Variants in ATP8B4 observed in about 807,000 individuals in gnomAD.
ATP8B4 encodes the protein ATPase phospholipid transporting 8B4 (putative).
Under a neutral mutation model 145.6 loss-of-function variants are expected in ATP8B4, and 133 were observed. The observed-to-expected ratio is 0.91, with a 90% CI of 0.79 to 1.05. The LOEUF (loss-of-function observed/expected upper bound fraction) is 1.05. Ranked by LOEUF, ATP8B4 falls within the 50% of genes least tolerant of loss-of-function variation. The pLI is 0.00. For synonymous variants in ATP8B4, 507 were observed against 492.9 expected (o/e 1.03, Z -0.38); for missense variants, 1,458 against 1,425.2 (o/e 1.02, Z -0.37).
intron 2 of ATP8B4, among the ~76,000 whole-genome samples, chr15:50,077,855 C>G (rs950681895): frequency 2.0e-5 from 3 of 152,118 alleles, no homozygotes; most frequent in African/African-American, 7.2e-5. Context: ...CTAGTAAAGC[C>G]TGCCTGACTG....
intron 1 of ATP8B4, among the ~76,000 whole-genome samples, chr15:50,127,663 T>A (rs1201582460): frequency 3.3e-5 from 5 of 152,190 alleles, no homozygotes; most frequent in Non-Finnish European, 5.9e-5. Flanking sequence ...CTGCAGCTTG[T>A]GCTATAATAC....
At position 50,142,353 on chromosome 15, in the gene ATP8B4, A is replaced by C. The variant is rs2044223703; in HGVS notation, c.-42-35345T>G. Among the ~76,000 whole-genome samples, 7 of 152,190 alleles carry C rather than the reference A, an allele frequency of 4.6e-5. No individual in the cohort carries two copies. The South Asian group carries it at 1.4e-3, about 32-fold the overall frequency. The stretch of plus-strand genomic sequence containing the variant: ...ACAGAGCATCCAGGACACAACTCAG[A>C]GTTATCACGAAAGGTACCCAACTGT... On this transcript the variant is annotated intron_variant, in intron 1 of 3. Transcript: ENST00000558829.
At chr15:49,894,796 A>T (rs2153425902) in intron 23 of ATP8B4, 1 of 152,530 alleles carries the variant, frequency 6.6e-6, no homozygotes, top group East Asian at 1.9e-4. Context: ...GACTGGAGGC[A>T]CGTCGGAATG....
intron 10 of ATP8B4, chr15:49,982,392 A>C (rs1057266271): frequency 6.6e-6 from 1 of 152,134 alleles, no homozygotes; most frequent in Non-Finnish European, 1.5e-5. Context: ...TCATATGAAC[A>C]TTGAGGGTGG....
chr15:50,120,869 G>A (rs1053007486), upstream of ATP8B4, among the ~76,000 whole-genome samples: 2 of 152,132 alleles, frequency 1.3e-5, no homozygotes, highest in African/African-American at 4.8e-5. Context: ...TGACTGGCCA[G>A]GTGACTATGC....
At chr15:50,060,912 T>C (rs2052966195) in intron 3 of ATP8B4, among the ~76,000 whole-genome samples, 1 of 152,110 alleles carries the variant, frequency 6.6e-6, no homozygotes, top group Non-Finnish European at 1.5e-5. Flanking sequence ...TAGGCACAAA[T>C]TGCTGTGATA....
chr15:50,053,434 A>G (rs1301139911), intron 3 of ATP8B4, among the ~76,000 whole-genome samples: 2 of 152,216 alleles, frequency 1.3e-5, no homozygotes, highest in African/African-American at 4.8e-5. Context: ...TCTCTCTTCC[A>G]GTCTGCATTT....
intron 14 of ATP8B4, among the ~76,000 whole-genome samples, chr15:49,954,657 T>TA (rs1211775227): frequency 2.6e-5 from 4 of 151,960 alleles, no homozygotes; most frequent in Non-Finnish European, 5.9e-5. Context: ...AAATTTTTGT[T>TA]AAAAAATCAA....
At chr15:50,115,953 C>T (rs2057148444) in intron 1 of ATP8B4, among the ~76,000 whole-genome samples, 2 of 152,182 alleles carry the variant, frequency 1.3e-5, no homozygotes, top group South Asian at 4.1e-4. Flanking sequence ...GCCCTCTTTT[C>T]CATTATCCTT....
chr15:50,101,401 T>G (rs1007396106), intron 2 of ATP8B4, among the ~76,000 whole-genome samples: 1 of 151,956 alleles, frequency 6.6e-6, no homozygotes, highest in African/African-American at 2.4e-5. Context: ...GAAAAAGATA[T>G]TCTATGCACA....
At position 49,859,732 on chromosome 15, in the gene ATP8B4, A is replaced by G. The variant is rs1438264143; in HGVS notation, c.*462T>C. ...GAAAGCAACACAGTACACGCTTTAA[A>G]TTTTAAAAGTATACCTTGGGAAAGG... is the stretch of plus-strand genomic sequence containing the variant. On this transcript the variant is annotated 3_prime_UTR_variant, in exon 28 of 28. Coordinates refer to ENST00000284509, the MANE Select transcript of ATP8B4 (RefSeq NM_024837.4). The G allele has an allele frequency of 6.4e-6, 1 of 157,206 alleles. No homozygotes were observed. The highest frequency in any genetic ancestry group is 1.9e-4 in the East Asian group (1 of 5,332). 9.7% of individuals were successfully genotyped at this position (157,206 alleles called of 1,614,324 possible).
intron 1 of ATP8B4, among the ~76,000 whole-genome samples, chr15:50,156,207 T>C (rs924949042): frequency 8.7e-5 from 13 of 148,774 alleles, no homozygotes; most frequent in African/African-American, 2.9e-4. Flanking sequence ...TTTAGATGTT[T>C]TTGTTTTGTT....
At chr15:50,118,774 A>T (rs1349982943) in intron 1 of ATP8B4, among the ~76,000 whole-genome samples, 1 of 152,208 alleles carries the variant, frequency 6.6e-6, no homozygotes, top group Non-Finnish European at 1.5e-5. Flanking sequence ...CCGTGAAAAA[A>T]ATAAAACCAA....
At chr15:49,982,895 C>A (rs545467037) in intron 10 of ATP8B4, among the ~76,000 whole-genome samples, 1 of 152,256 alleles carries the variant, frequency 6.6e-6, no homozygotes, top group African/African-American at 2.4e-5. Context: ...TATTCAGCAA[C>A]CTTTGACACT....
Position 49,987,423 on chromosome 15 carries a change from G to C in ATP8B4, c.716C>G (p.Thr239Ser). 6.2e-7 allele frequency: 1 copy of C among 1,613,756 alleles called. No homozygotes were observed. The highest frequency in any genetic ancestry group is 1.1e-5 in the South Asian group (1 of 91,056). Residue 239 changes from threonine to serine, a missense_variant, in exon 10 of 28, where the codon ACC becomes AGC. Transcript: ENST00000284509. ...AATAACCATTCCAAAACACCAGCTG[G>C]TATTTCTCAGGATGCAGCCTCTCAG... ...IILRGCILRN[T>S]SWCFGMVIFA...
intron 13 of ATP8B4, among the ~76,000 whole-genome samples, chr15:49,966,610 G>A (rs577100348): frequency 9.2e-5 from 14 of 152,308 alleles, no homozygotes; most frequent in South Asian, 6.2e-4. Flanking sequence ...GAAAGGCAGC[G>A]GCCCCAGTCA....
At chr15:50,138,844 T>TC (rs1403395619) in intron 1 of ATP8B4, among the ~76,000 whole-genome samples, 1 of 152,360 alleles carries the variant, frequency 6.6e-6, no homozygotes, top group Non-Finnish European at 1.5e-5. Context: ...GCATTGTAAA[T>TC]CCTTTTTATT....
chr15:49,882,749 G>A (rs888855901), intron 23 of ATP8B4, among the ~76,000 whole-genome samples: 3 of 152,164 alleles, frequency 2.0e-5, no homozygotes, highest in Non-Finnish European at 4.4e-5. Context: ...CTATAAGATG[G>A]CAGGGTAATG....
intron 9 of ATP8B4, among the ~76,000 whole-genome samples, chr15:49,995,883 T>C (rs975929645): frequency 6.6e-6 from 1 of 152,106 alleles, no homozygotes; most frequent in African/African-American, 2.4e-5. Context: ...CTGCAGCCTA[T>C]TATGGTGCCT....
Sources: gnomAD v4.1 joint callset for allele counts (sites outside exome capture counted in the v4.1 genomes callset) on GRCh38, gnomAD v4.1.1 for gene constraint, MANE v1.5 for transcripts, NCBI Gene and HGNC (gene_info 2026-07-23, HGNC 2026-07-21) for gene names.